Variants in FAT3 observed in about 807,000 individuals in gnomAD.
FAT3 encodes FAT atypical cadherin 3, also known as protocadherin Fat 3.
A neutral mutation model predicts 310.2 loss-of-function variants in FAT3; 95 were observed. The observed-to-expected ratio is 0.31, with a 90% CI of 0.26 to 0.36. FAT3 has a LOEUF of 0.36. FAT3 is among the 10% of genes least tolerant of loss of function. The probability of loss-of-function intolerance (pLI) is 1.00; values close to 1 mark genes in which losing one functional copy is unlikely to be tolerated. For synonymous variants in FAT3, 2,314 were observed against 2,192.9 expected (o/e 1.06, Z -1.54); for missense variants, 5,408 against 5,715.6 (o/e 0.95, Z 1.74).
At chr11:92,659,558 C>T (rs1258670687) in intron 3 of FAT3, among the ~76,000 whole-genome samples, 1 of 152,108 alleles carries the variant, frequency 6.6e-6, no homozygotes, top group East Asian at 1.9e-4. Context: ...CATAATTATC[C>T]CTATTTTGCA....
intron 4 of FAT3, among the ~76,000 whole-genome samples, chr11:92,703,028 A>G (rs905035158): frequency 6.6e-6 from 1 of 152,196 alleles, no homozygotes. Context: ...AATAGACTAG[A>G]TCCATAGGAA....
intron 21 of FAT3, among the ~76,000 whole-genome samples, chr11:92,862,335 A>G (rs978404437): frequency 6.6e-6 from 1 of 152,130 alleles, no homozygotes; most frequent in African/African-American, 2.4e-5. Flanking sequence ...GAGATCTGGA[A>G]AAGATTTTTT....
intron 3 of FAT3, among the ~76,000 whole-genome samples, chr11:92,622,213 A>G (rs768115373): frequency 5.3e-5 from 8 of 151,894 alleles, no homozygotes; most frequent in Non-Finnish European, 8.8e-5. Flanking sequence ...GAATCTAGGA[A>G]ATGAAGGTTG....
At chr11:92,805,101 T>TAA in intron 10 of FAT3, 52 bp from the exon 11 acceptor site, 1 of 1,572,070 alleles carries the variant, frequency 6.4e-7, no homozygotes, top group Non-Finnish European at 8.7e-7. Flanking sequence ...AGATGTAGAT[T>TAA]AAGACATTTC....
intron 1 of FAT3, among the ~76,000 whole-genome samples, chr11:92,296,501 A>T (rs1946853350): frequency 6.6e-6 from 1 of 152,106 alleles, no homozygotes; most frequent in African/African-American, 2.4e-5. Flanking sequence ...AATCAACCAT[A>T]GGTATGGGGC....
Position 92,790,049 on chromosome 11 carries a change from A to T in FAT3, c.4442A>T (p.Gln1481Leu). ...EDVLPDTEILQIEATDRDEKH... is the reference protein window; with the variant it reads ...EDVLPDTEILLIEATDRDEKH... ...GTGCTTCCAGACACGGAGATCCTGC[A>T]GATTGAAGCCACAGATAGAGATGAG... is the stretch of plus-strand genomic sequence containing the variant. Residue 1481 changes from glutamine (Q) to leucine (L), a missense_variant, in exon 8 of 28, where the codon CAG becomes CTG. Physicochemically the swap from Gln to Leu is moderately radical, Grantham distance 113. Coordinates refer to ENST00000525166, the MANE Select transcript of FAT3 (RefSeq NM_001367949.2). The T allele has an allele frequency of 6.2e-7, 1 of 1,613,870 alleles. No individual in the cohort carries two copies. Among genetic ancestry groups the T allele is most frequent in the Non-Finnish European group, 8.5e-7 (1 of 1,179,754 alleles).
At position 92,890,706 on chromosome 11, in the gene FAT3, C is replaced by T. The variant is rs1379673740; in HGVS notation, c.13363C>T (p.Leu4455Phe). 3.1e-6 allele frequency: 5 copies of T among 1,613,688 alleles called. No individual in the cohort carries two copies. Among genetic ancestry groups the T allele is most frequent in the Admixed American group, 3.3e-5 (2 of 59,976 alleles). Residue 4455 changes from leucine (L) to phenylalanine (F), a missense_variant, in exon 28 of 28, where the codon CTC becomes TTC. Physicochemically the swap from Leu to Phe is conservative, Grantham distance 22. Coordinates refer to ENST00000525166, the MANE Select transcript of FAT3 (RefSeq NM_001367949.2). ...FLSQDQLPPP[L>F]PEDFPDQYEA... ...GAGTCAGGACCAGCTGCCTCCTCCT[C>T]TCCCGGAGGACTTCCCAGACCAATA...
At chr11:92,793,095 T>C in intron 9 of FAT3, 118 bp downstream of exon 9, 1 of 1,076,710 alleles carries the variant, frequency 9.3e-7, no homozygotes, top group Non-Finnish European at 1.3e-6. Flanking sequence ...AATGAACTTT[T>C]TTGGCCAAGC....
intron 4 of FAT3, among the ~76,000 whole-genome samples, chr11:92,740,815 A>G (rs955969636): frequency 5.3e-5 from 8 of 152,164 alleles, no homozygotes; most frequent in Non-Finnish European, 1.0e-4. Flanking sequence ...TACAGTAGTA[A>G]CATTTCCAGA....
At chr11:92,540,040 A>G (rs960948575) in intron 3 of FAT3, among the ~76,000 whole-genome samples, 1 of 152,176 alleles carries the variant, frequency 6.6e-6, no homozygotes, top group Non-Finnish European at 1.5e-5. Context: ...CATGTAGCCC[A>G]TCATGCATAC....
chr11:92,395,280 A>G (rs1949842698), intron 2 of FAT3, among the ~76,000 whole-genome samples: 1 of 152,176 alleles, frequency 6.6e-6, no homozygotes, highest in African/African-American at 2.4e-5. Context: ...TCAGCACTTA[A>G]GAGTCTCACC....
chr11:92,518,599 A>C (rs573232168), intron 2 of FAT3, among the ~76,000 whole-genome samples: 1 of 152,008 alleles, frequency 6.6e-6, no homozygotes, highest in Non-Finnish European at 1.5e-5. Flanking sequence ...ACCATGGCAC[A>C]TGTATACCTA....
At chr11:92,703,832 T>C (rs558299365) in intron 4 of FAT3, among the ~76,000 whole-genome samples, 3 of 152,354 alleles carry the variant, frequency 2.0e-5, no homozygotes, top group Admixed American at 6.5e-5. Flanking sequence ...CACAGTAAGG[T>C]CTCCTAGAGT....
At chr11:92,622,717 G>A (rs752766462) in intron 3 of FAT3, among the ~76,000 whole-genome samples, 2 of 152,076 alleles carry the variant, frequency 1.3e-5, no homozygotes, top group Non-Finnish European at 2.9e-5. Context: ...TAGGAAAGAG[G>A]GCTTTTCAAT....
intron 2 of FAT3, among the ~76,000 whole-genome samples, chr11:92,415,991 G>A (rs1304634937): frequency 6.8e-6 from 1 of 146,840 alleles, no homozygotes; most frequent in Non-Finnish European, 1.5e-5. Flanking sequence ...ACCATGCCTG[G>A]CTATCTTTTG....
At chr11:92,303,036 C>T (rs1203357460) in intron 1 of FAT3, among the ~76,000 whole-genome samples, 1 of 151,922 alleles carries the variant, frequency 6.6e-6, no homozygotes, top group African/African-American at 2.4e-5. Flanking sequence ...GAGTTTTTTG[C>T]GGTGTGAATC....
intron 4 of FAT3, among the ~76,000 whole-genome samples, chr11:92,736,243 C>T (rs1040895207): frequency 1.6e-4 from 24 of 152,116 alleles, no homozygotes; most frequent in Non-Finnish European, 3.4e-4. Context: ...GAGTCGCCAG[C>T]AGAGGGTTCA....
At chr11:92,658,642 G>A (rs1056280940) in intron 3 of FAT3, among the ~76,000 whole-genome samples, 4 of 152,258 alleles carry the variant, frequency 2.6e-5, no homozygotes, top group East Asian at 1.9e-4. Context: ...TGCTGACTCC[G>A]TACTGACTTA....
chr11:92,297,400 C>T (rs1381563999), intron 1 of FAT3, among the ~76,000 whole-genome samples: 2 of 152,008 alleles, frequency 1.3e-5, no homozygotes, highest in African/African-American at 4.8e-5. Context: ...AAACATTTGT[C>T]AACTAAATGG....
Sources: gnomAD v4.1 joint callset for allele counts (sites outside exome capture counted in the v4.1 genomes callset) on GRCh38, gnomAD v4.1.1 for gene constraint, MANE v1.5 for transcripts, NCBI Gene and HGNC (gene_info 2026-07-23, HGNC 2026-07-21) for gene names.